Variants in MAGI1 observed in about 807,000 individuals in gnomAD.
MAGI1 encodes the protein membrane associated guanylate kinase, WW and PDZ domain containing 1, also known as membrane-associated guanylate kinase, WW and PDZ domain-containing protein 1.
A neutral mutation model predicts 139.9 loss-of-function variants in MAGI1; 58 were observed. The ratio of observed to expected loss-of-function variants is 0.41; its 90% CI spans 0.34 to 0.52. The LOEUF is 0.52. Ranked by LOEUF, MAGI1 falls within the 20% of genes least tolerant of loss-of-function variation. The probability of loss-of-function intolerance (pLI) is 0.12; values close to 1 mark genes in which losing one functional copy is unlikely to be tolerated. For missense variants in MAGI1, 1,874 were observed against 1,901.6 expected (o/e 0.99, Z 0.27); for synonymous variants, 812 against 737.9 (o/e 1.10, Z -1.63).
At chr3:65,491,382 C>A (rs1027131581) in intron 3 of MAGI1, among the ~76,000 whole-genome samples, 1 of 152,112 alleles carries the variant, frequency 6.6e-6, no homozygotes, top group East Asian at 1.9e-4. Context: ...CCATTAACAT[C>A]GAATAAAGTG....
intron 1 of MAGI1, among the ~76,000 whole-genome samples, chr3:65,969,244 T>A (rs796569844): frequency 6.6e-5 from 10 of 152,314 alleles, no homozygotes; most frequent in African/African-American, 2.4e-4. Context: ...CCACAAAACA[T>A]TGCTCTCACA....
intron 1 of MAGI1, among the ~76,000 whole-genome samples, chr3:65,636,680 CTATGTT>C (rs904040009): frequency 4.7e-5 from 7 of 150,426 alleles, no homozygotes; most frequent in African/African-American, 1.7e-4. Flanking sequence ...TTTTTTTAAA[CTATGTT>C]TATAAGGGAA....
chr3:65,668,094 T>C (rs1254846364), intron 1 of MAGI1, among the ~76,000 whole-genome samples: 1 of 152,208 alleles, frequency 6.6e-6, no homozygotes, highest in Admixed American at 6.5e-5. Flanking sequence ...TAGGTTCTCA[T>C]CCTAACTCTG....
At chr3:65,502,838 G>A (rs919254206) in intron 2 of MAGI1, among the ~76,000 whole-genome samples, 4 of 152,128 alleles carry the variant, frequency 2.6e-5, no homozygotes, top group Non-Finnish European at 4.4e-5. Context: ...GAAAAGAAAA[G>A]GTGTGTGGGT....
chr3:65,487,247 A>G (rs753909652), intron 3 of MAGI1, among the ~76,000 whole-genome samples: 13 of 152,186 alleles, frequency 8.5e-5, no homozygotes, highest in Non-Finnish European at 1.6e-4. Flanking sequence ...GGTCTCCTTT[A>G]AAGACCTTCG....
At chr3:65,992,866 C>A (rs931842775) in intron 1 of MAGI1, among the ~76,000 whole-genome samples, 12 of 152,182 alleles carry the variant, frequency 7.9e-5, no homozygotes, top group African/African-American at 2.4e-4. Flanking sequence ...CACTCTCTCA[C>A]CTAGGCTGGA....
At chr3:65,684,043 A>G (rs1056949244) in intron 1 of MAGI1, among the ~76,000 whole-genome samples, 1 of 151,270 alleles carries the variant, frequency 6.6e-6, no homozygotes, top group African/African-American at 2.4e-5. Flanking sequence ...GATGGATGGC[A>G]TACAGCTATA....
chr3:65,823,286 T>C (rs1046940710), intron 1 of MAGI1, among the ~76,000 whole-genome samples: 2 of 152,184 alleles, frequency 1.3e-5, no homozygotes, highest in African/African-American at 2.4e-5. Context: ...TGGGGTGTCT[T>C]ATGTTATTCT....
chr3:65,365,274 C>T, intron 18 of MAGI1: 1 of 515,726 alleles, frequency 1.9e-6, no homozygotes, highest in Non-Finnish European at 3.8e-6. Context: ...AAAGGCAGTC[C>T]CATCAAAGTG....
At chr3:65,396,604 G>A (rs1308105611) in intron 13 of MAGI1, among the ~76,000 whole-genome samples, 1 of 152,222 alleles carries the variant, frequency 6.6e-6, no homozygotes, top group Non-Finnish European at 1.5e-5. Flanking sequence ...AATACAGACA[G>A]CACTTAGGAG....
rs866867547 is a variant in MAGI1 at position 65,470,315 on chromosome 3, G to A, written c.927C>T (p.Ala309=). 7 of 1,612,462 alleles carry A rather than the reference G, an allele frequency of 4.3e-6. No individual in the cohort carries two copies. The highest frequency in any genetic ancestry group is 1.7e-4 in the Middle Eastern group (1 of 6,050). ...AATAGACTTCTCCATTTTCAGTATAGGCCATCTCCCAGTTTTCAGGTAGAG... is the reference window on the plus strand; with the variant it reads ...AATAGACTTCTCCATTTTCAGTATAAGCCATCTCCCAGTTTTCAGGTAGAG... ...LGPLPENWEM[A]YTENGEVYFI... is the part of the protein sequence containing the mutation. Residue 309 remains alanine, a synonymous_variant, in exon 5 of 23, where the codon GCC becomes GCT. Transcript: ENST00000402939.
At chr3:65,447,250 T>C (rs1559561141) in intron 7 of MAGI1, among the ~76,000 whole-genome samples, 2 of 152,234 alleles carry the variant, frequency 1.3e-5, no homozygotes, top group African/African-American at 2.4e-5. Context: ...CAAACTAATT[T>C]TAATGTTGTT....
chr3:65,541,321 C>A lies in MAGI1; in HGVS notation c.431-47690G>T, dbSNP rs571142349. Among the ~76,000 whole-genome samples, 7 of 152,288 alleles carry A rather than the reference C, an allele frequency of 4.6e-5. 1 individual carries two copies. The highest frequency in any genetic ancestry group is 4.6e-4 in the Admixed American group (7 of 15,308). On this transcript the variant is annotated intron_variant, in intron 2 of 22. Transcript: ENST00000402939. Reference sequence around the variant, plus strand: ...AAAAGCCCAGGACAAGACAGATTCACAGCCAAATTCTAACAGAGGTACAAA... The same window carrying A: ...AAAAGCCCAGGACAAGACAGATTCAAAGCCAAATTCTAACAGAGGTACAAA...
chr3:65,937,688 T>C (rs1158748369), intron 1 of MAGI1, among the ~76,000 whole-genome samples: 2 of 152,022 alleles, frequency 1.3e-5, no homozygotes, highest in Non-Finnish European at 2.9e-5. Context: ...TGTGGGTTTT[T>C]TGGGGTTTTT....
intron 2 of MAGI1, among the ~76,000 whole-genome samples, chr3:65,504,257 A>G (rs1438761611): frequency 1.3e-5 from 2 of 152,206 alleles, no homozygotes; most frequent in Non-Finnish European, 2.9e-5. Flanking sequence ...TGTGAGACCA[A>G]ATACATTCAT....
chr3:65,872,627 G>A (rs1022468455), intron 1 of MAGI1, among the ~76,000 whole-genome samples: 8 of 152,256 alleles, frequency 5.3e-5, no homozygotes, highest in Admixed American at 5.2e-4. Flanking sequence ...AATAAATAGA[G>A]CAGCTTTATT....
intron 2 of MAGI1, among the ~76,000 whole-genome samples, chr3:65,566,908 T>C (rs1299465987): frequency 6.6e-6 from 1 of 152,116 alleles, no homozygotes; most frequent in African/African-American, 2.4e-5. Context: ...TCTTTAGATA[T>C]ATTAATTAAA....
At chr3:65,505,823 T>A (rs2077263204) in intron 2 of MAGI1, among the ~76,000 whole-genome samples, 1 of 152,048 alleles carries the variant, frequency 6.6e-6, no homozygotes, top group African/African-American at 2.4e-5. Flanking sequence ...ATAAATTGTG[T>A]ATCAATAAAG....
At position 65,875,340 on chromosome 3, in the gene MAGI1, A is replaced by G. The variant is rs147008308; in HGVS notation, c.313+162656T>C. On this transcript the variant is annotated intron_variant, in intron 1 of 22. Coordinates refer to ENST00000402939, the MANE Select transcript of MAGI1 (RefSeq NM_001033057.2). ...GCTGCACAATTCTCTGAATATATTT[A>G]AAGTATTTAGTTGTAAACTTTAAAT... Among the ~76,000 whole-genome samples the G allele has an allele frequency of 1.8e-3, 275 of 152,338 alleles. 6 individuals are homozygous for G. In the East Asian group the frequency reaches 0.046, roughly 26 times the overall value.
Sources: gnomAD v4.1 joint callset for allele counts (sites outside exome capture counted in the v4.1 genomes callset) on GRCh38, gnomAD v4.1.1 for gene constraint, MANE v1.5 for transcripts, NCBI Gene and HGNC (gene_info 2026-07-23, HGNC 2026-07-21) for gene names.